GLIS3: variants seen among roughly 807,000 people sequenced by gnomAD.
The protein encoded by GLIS3 is zinc finger protein GLIS3.
In GLIS3, 53 loss-of-function variants were observed where a neutral mutation model predicts 78.6. That is an observed-to-expected ratio of 0.67 (90% CI 0.54 to 0.85). The LOEUF is 0.85. Among genes scored for constraint, GLIS3 ranks in the 40% least tolerant of loss-of-function variants. GLIS3 has a pLI of 0.00. For synonymous variants in GLIS3, 684 were observed against 509.9 expected, an observed-to-expected ratio of 1.34 and a Z score of -4.60; for missense variants, 1,703 against 1,231.1, an observed-to-expected ratio of 1.38 and a Z score of -5.74.
At chr9:4,157,630 C>G (rs1331400986) in intron 2 of GLIS3, among the ~76,000 whole-genome samples, 1 of 152,052 alleles carries the variant, frequency 6.6e-6, no homozygotes, top group Non-Finnish European at 1.5e-5. Context: ...ACCTATAAAC[C>G]CTCAGTGCTT....
the GLIS3 span, among the ~76,000 whole-genome samples, chr9:4,383,744 T>C: frequency 1.3e-5 from 2 of 152,268 alleles, no homozygotes; most frequent in African/African-American, 4.8e-5. Context: ...GAACATTTAC[T>C]TCCAGAAAAG....
the GLIS3 span, among the ~76,000 whole-genome samples, chr9:4,444,294 C>A: frequency 6.6e-6 from 1 of 152,336 alleles, no homozygotes; most frequent in East Asian, 1.9e-4. Flanking sequence ...TTCTCATACA[C>A]AATAATAAAG....
At chr9:4,075,973 G>A (rs1015306922) in intron 4 of GLIS3, among the ~76,000 whole-genome samples, 3 of 152,188 alleles carry the variant, frequency 2.0e-5, no homozygotes, top group African/African-American at 7.2e-5. Flanking sequence ...AGGATTGACT[G>A]CAAAGGAACA....
intron 9 of GLIS3, among the ~76,000 whole-genome samples, chr9:3,830,480 T>C (rs775075332): frequency 1.3e-5 from 2 of 152,256 alleles, no homozygotes; most frequent in Admixed American, 1.3e-4. Context: ...AATGTGAATG[T>C]CATTGTGTAC....
chr9:4,387,235 T>G, the GLIS3 span, among the ~76,000 whole-genome samples: 1 of 152,178 alleles, frequency 6.6e-6, no homozygotes, highest in Non-Finnish European at 1.5e-5. Flanking sequence ...GCAATTCTAT[T>G]TTGGTTTGGT....
chr9:4,300,406 A>C (rs190405859), upstream of GLIS3, among the ~76,000 whole-genome samples: 350 of 151,136 alleles, frequency 2.3e-3, no homozygotes, highest in Middle Eastern at 6.8e-3. Flanking sequence ...AAATAAACAA[A>C]CAACCAAAAA....
At chr9:4,085,561 T>C (rs1226681961) in intron 4 of GLIS3, among the ~76,000 whole-genome samples, 1 of 152,104 alleles carries the variant, frequency 6.6e-6, no homozygotes, top group Non-Finnish European at 1.5e-5. Context: ...CTGAGAACCA[T>C]CAAAATTATT....
At chr9:3,951,827 G>A (rs1445616299) in intron 4 of GLIS3, among the ~76,000 whole-genome samples, 1 of 139,284 alleles carries the variant, frequency 7.2e-6, no homozygotes, top group Non-Finnish European at 1.5e-5. Context: ...GAGAGAAAGA[G>A]AGGAATAAGC....
chr9:4,463,634 C>T, the GLIS3 span, among the ~76,000 whole-genome samples: 2 of 151,894 alleles, frequency 1.3e-5, no homozygotes, highest in South Asian at 2.1e-4. Context: ...TATTTTAACC[C>T]GAATAAACCT....
intron 2 of GLIS3, among the ~76,000 whole-genome samples, chr9:4,197,804 G>C (rs1005971764): frequency 1.3e-5 from 2 of 152,144 alleles, no homozygotes; most frequent in Non-Finnish European, 1.5e-5. Flanking sequence ...CTACTGGCTT[G>C]TAGGTCAAAC....
chr9:4,423,761 C>G, the GLIS3 span, among the ~76,000 whole-genome samples: 1 of 152,320 alleles, frequency 6.6e-6, no homozygotes, highest in Non-Finnish European at 1.5e-5. Flanking sequence ...TTCTATCAGG[C>G]TATCTTTCCT....
the GLIS3 span, among the ~76,000 whole-genome samples, chr9:4,446,336 A>G: frequency 1.3e-5 from 2 of 152,094 alleles, no homozygotes; most frequent in Non-Finnish European, 2.9e-5. Context: ...CCATCGATGA[A>G]GTAGGAAGCT....
At chr9:3,999,225 C>A (rs1030180453) in intron 4 of GLIS3, among the ~76,000 whole-genome samples, 1 of 152,132 alleles carries the variant, frequency 6.6e-6, no homozygotes, top group Non-Finnish European at 1.5e-5. Context: ...GTTACAAAGA[C>A]TACTACAACA....
intron 1 of GLIS3, among the ~76,000 whole-genome samples, chr9:4,295,405 G>C (rs1471777682): frequency 1.3e-5 from 2 of 152,134 alleles, no homozygotes; most frequent in Non-Finnish European, 2.9e-5. Flanking sequence ...ATCATATTAA[G>C]TAATGCCTCA....
chr9:3,894,417 C>G (rs898817872), intron 7 of GLIS3, among the ~76,000 whole-genome samples: 1 of 152,212 alleles, frequency 6.6e-6, no homozygotes, highest in South Asian at 2.1e-4. Context: ...TAACACAACT[C>G]TGCAAGCTGT....
chr9:4,004,640 G>A lies in GLIS3; in HGVS notation c.1711-67451C>T, dbSNP rs149100064. Among the ~76,000 whole-genome samples the A allele has an allele frequency of 3.2e-3, 484 of 152,312 alleles. 6 individuals are homozygous for A. The highest frequency in any genetic ancestry group is 0.011 in the African/African-American group (463 of 41,566). On this transcript the variant is annotated intron_variant, in intron 4 of 10. Coordinates refer to ENST00000381971, the MANE Select transcript of GLIS3 (RefSeq NM_001042413.2). ...ATGGCATATCCAGGGCCAGGCCACT[G>A]AGCAGCTCTCTTGGTTTAGGGGATA...
chr9:4,132,671 A>T (rs1833066785), intron 2 of GLIS3, among the ~76,000 whole-genome samples: 1 of 152,260 alleles, frequency 6.6e-6, no homozygotes, highest in South Asian at 2.1e-4. Context: ...CTAGCCATGA[A>T]GATGCACACC....
At chr9:4,318,183 C>T (rs1817468312) in intron 2 of GLIS3, among the ~76,000 whole-genome samples, 1 of 152,012 alleles carries the variant, frequency 6.6e-6, no homozygotes, top group South Asian at 2.1e-4. Context: ...GGGTGGAAGG[C>T]AGTTACAATG....
At chr9:4,222,948 G>C (rs1009667777) in intron 2 of GLIS3, among the ~76,000 whole-genome samples, 11 of 152,126 alleles carry the variant, frequency 7.2e-5, no homozygotes, top group Admixed American at 4.6e-4. Context: ...TATCTCAGTA[G>C]CCTTCAGGTT....
Sources: gnomAD v4.1 joint callset for allele counts (sites outside exome capture counted in the v4.1 genomes callset) on GRCh38, gnomAD v4.1.1 for gene constraint, MANE v1.5 for transcripts, NCBI Gene and HGNC (gene_info 2026-07-23, HGNC 2026-07-21) for gene names.